Variants in SULF2 observed in about 807,000 individuals in gnomAD.
SULF2 encodes the protein extracellular sulfatase Sulf-2.
Under a neutral mutation model 107.7 loss-of-function variants are expected in SULF2, and 52 were observed. That is an observed-to-expected ratio of 0.48 (90% CI 0.39 to 0.61). The LOEUF is 0.61. SULF2 is among the 20% of genes least tolerant of loss of function. The pLI is 0.00. For missense variants in SULF2, 993 were observed against 1,177.3 expected (o/e 0.84, Z 2.29); for synonymous variants, 460 against 464.3 (o/e 0.99, Z 0.12).
chr20:47,750,223 G>A (rs761166097), intron 2 of SULF2, among the ~76,000 whole-genome samples: 32 of 152,192 alleles, frequency 2.1e-4, no homozygotes, highest in Admixed American at 3.9e-4. Context: ...CTCTTGATCC[G>A]CGTGCCTTGG....
chr20:47,723,517 G>A (rs1877132303), intron 3 of SULF2, among the ~76,000 whole-genome samples: 2 of 152,188 alleles, frequency 1.3e-5, no homozygotes. Context: ...GGGCTGCATA[G>A]CAGGAGGTGA....
intron 2 of SULF2, among the ~76,000 whole-genome samples, chr20:47,753,197 C>T (rs906626631): frequency 6.6e-6 from 1 of 151,902 alleles, no homozygotes; most frequent in Non-Finnish European, 1.5e-5. Context: ...TGAGGGGCCT[C>T]GAAAAGGCAC....
chr20:47,687,352 A>G (rs942446953), intron 5 of SULF2, among the ~76,000 whole-genome samples: 2 of 152,176 alleles, frequency 1.3e-5, no homozygotes, highest in African/African-American at 2.4e-5. Context: ...CTGCCTGTTC[A>G]ACAAACATCT....
chr20:47,749,365 A>G (rs1036758373), intron 2 of SULF2, among the ~76,000 whole-genome samples: 1 of 152,276 alleles, frequency 6.6e-6, no homozygotes, highest in African/African-American at 2.4e-5. Flanking sequence ...ATTGAAAAAA[A>G]ATCATCTTAC....
intron 3 of SULF2, among the ~76,000 whole-genome samples, chr20:47,726,091 T>A (rs1239102916): frequency 6.6e-6 from 1 of 152,108 alleles, no homozygotes; most frequent in Non-Finnish European, 1.5e-5. Flanking sequence ...AGATGAGGAA[T>A]CACGGAAAGC....
At position 47,663,573 on chromosome 20, in the gene SULF2, G is replaced by T; in HGVS notation, c.2107C>A (p.Arg703Ser). 2 of 1,610,510 alleles carry T rather than the reference G, an allele frequency of 1.2e-6. No homozygotes were observed. The highest frequency in any genetic ancestry group is 8.5e-7 in the Non-Finnish European group (1 of 1,178,682). The change falls in exon 16 of 21, where the codon CGC (arginine) becomes AGC (serine). Residue 703 changes from arginine (R) to serine (S), a missense_variant. Coordinates refer to ENST00000688720, the MANE Select transcript of SULF2 (RefSeq NM_001387048.1). ...AGCAGCTTGCGGAGTTTCTTCTTGC[G>T]CTTCTGCTCCCGCAACAGCCACACC... Reference protein sequence around the residue: ...DKVWLLREQKRKKKLRKLLKR... With the variant: ...DKVWLLREQKSKKKLRKLLKR...
At chr20:47,726,523 C>G (rs2089448441) in intron 3 of SULF2, among the ~76,000 whole-genome samples, 1 of 152,198 alleles carries the variant, frequency 6.6e-6, no homozygotes, top group African/African-American at 2.4e-5. Flanking sequence ...CTCCTGCTGT[C>G]CAAGAGTCCT....
At position 47,680,668 on chromosome 20, in the gene SULF2, TG is replaced by T. The variant is rs2087794960; in HGVS notation, c.1065-1865del. ...AGCTGCTGAAGATGGGGCTGTGTCA[TG>T]GGGGGCTCGAAGGCCAGCGTGAGGC... is the stretch of plus-strand genomic sequence containing the variant. On this transcript the variant is annotated intron_variant, in intron 7 of 20. Coordinates refer to ENST00000688720, the MANE Select transcript of SULF2 (RefSeq NM_001387048.1). This position sits in a 1 kb window ranked among gnomAD's most constrained non-coding sequence, Gnocchi z 4.2. 6.6e-6 allele frequency among the ~76,000 whole-genome samples: 1 copy of T among 152,132 alleles called. No homozygotes were observed. Among genetic ancestry groups the T allele is most frequent in the Non-Finnish European group, 1.5e-5 (1 of 68,008 alleles).
intron 18 of SULF2, among the ~76,000 whole-genome samples, chr20:47,661,282 G>A (rs1443023926): frequency 2.6e-5 from 4 of 151,930 alleles, no homozygotes; most frequent in Non-Finnish European, 1.5e-5. Context: ...TACTTTTCAG[G>A]ACTCAGTTCA....
At chr20:47,705,719 G>A (rs997104031) in intron 3 of SULF2, among the ~76,000 whole-genome samples, 2 of 152,196 alleles carry the variant, frequency 1.3e-5, no homozygotes, top group South Asian at 2.1e-4. Flanking sequence ...ATTCGCCGAC[G>A]CACGTGACAG....
chr20:47,723,115 G>A (rs1600574413), intron 3 of SULF2, among the ~76,000 whole-genome samples: 1 of 151,882 alleles, frequency 6.6e-6, no homozygotes, highest in Admixed American at 6.6e-5. Flanking sequence ...GTAGTGGTGG[G>A]TGCCTGTAGT....
In SULF2 at chr20:47,663,547, G is replaced by A. The variant is rs1386562638; in HGVS notation, c.2133C>T (p.Leu711=). The A allele has an allele frequency of 1.2e-6, 2 of 1,612,730 alleles. No homozygotes were observed. The highest frequency in any genetic ancestry group is 1.7e-6 in the Non-Finnish European group (2 of 1,179,896). The change falls in exon 16 of 21, where the codon CTC becomes CTT. Residue 711 remains leucine (L), a synonymous_variant. Transcript: ENST00000688720. ...QKRKKKLRKL[L]KRLQNNDTCS... Reference sequence around the variant, plus strand: ...ACGTGTCGTTGTTCTGCAGGCGCTTGAGCAGCTTGCGGAGTTTCTTCTTGC... The same window carrying A: ...ACGTGTCGTTGTTCTGCAGGCGCTTAAGCAGCTTGCGGAGTTTCTTCTTGC...
At chr20:47,660,106 G>T in intron 18 of SULF2, among the ~76,000 whole-genome samples, 1 of 152,220 alleles carries the variant, frequency 6.6e-6, no homozygotes, top group East Asian at 1.9e-4. Flanking sequence ...TGGGCTCTGG[G>T]GAAGTTTTCC....
At chr20:47,722,448 G>A (rs767536223) in intron 3 of SULF2, among the ~76,000 whole-genome samples, 1 of 151,878 alleles carries the variant, frequency 6.6e-6, no homozygotes, top group Non-Finnish European at 1.5e-5. Context: ...TATTTGTAGA[G>A]ACAGGGTCTC....
At chr20:47,738,845 C>T (rs2089810363) in intron 2 of SULF2, among the ~76,000 whole-genome samples, 2 of 152,140 alleles carry the variant, frequency 1.3e-5, no homozygotes, top group South Asian at 4.1e-4. Flanking sequence ...CAGACCAATA[C>T]AGGGTGTCTT....
At chr20:47,779,771 T>C (rs1185375789) in intron 1 of SULF2, among the ~76,000 whole-genome samples, 2 of 152,080 alleles carry the variant, frequency 1.3e-5, no homozygotes, top group Non-Finnish European at 2.9e-5. Flanking sequence ...CGTGCCTGGC[T>C]AATTTTTGTA....
Position 47,753,145 on chromosome 20 carries a change from A to G in SULF2, c.175+4044T>C, listed in dbSNP as rs1487656679. ...GAAAGAAAAGAAAAGAAATGCAAACACTGGATGCAGTCTCGTGGGGCACAC... is the reference window on the plus strand; with the variant it reads ...GAAAGAAAAGAAAAGAAATGCAAACGCTGGATGCAGTCTCGTGGGGCACAC... On this transcript the variant is annotated intron_variant, in intron 2 of 20. Transcript: ENST00000688720. Among the ~76,000 whole-genome samples the G allele has an allele frequency of 2.0e-5, 3 of 151,106 alleles. No homozygotes were observed. In the East Asian group the frequency reaches 5.8e-4, roughly 29 times the overall value.
chr20:47,671,005 G>T (rs921938954), intron 11 of SULF2, among the ~76,000 whole-genome samples: 14 of 151,234 alleles, frequency 9.3e-5, no homozygotes, highest in African/African-American at 3.4e-4. Context: ...GGACCCCGAC[G>T]CCTCCACACA....
chr20:47,712,353 C>T (rs112443635), intron 3 of SULF2, among the ~76,000 whole-genome samples: 4 of 152,344 alleles, frequency 2.6e-5, no homozygotes, highest in South Asian at 2.1e-4. Context: ...CTGCCTGGGA[C>T]GCCTGCCTCC....
Sources: allele counts gnomAD v4.1 joint callset (sites outside exome capture counted in the v4.1 genomes callset), GRCh38; gene constraint gnomAD v4.1.1; non-coding constraint Gnocchi (gnomAD v3.1); transcripts MANE v1.5; gene names NCBI Gene and HGNC (gene_info 2026-07-23, HGNC 2026-07-21).